Variants in LEO1 observed in about 807,000 individuals in gnomAD.
The protein encoded by LEO1 is RNA polymerase-associated protein LEO1.
Under a neutral mutation model 80.4 loss-of-function variants are expected in LEO1, and 34 were observed. The observed-to-expected ratio is 0.42, with a 90% CI of 0.32 to 0.56. The LOEUF (loss-of-function observed/expected upper bound fraction) is 0.56, where lower values mean the gene tolerates loss of function less well. LEO1 is among the 20% of genes least tolerant of loss of function. The pLI, the probability that LEO1 is intolerant of heterozygous loss-of-function variation, is 0.10. For missense variants in LEO1, 631 were observed against 814.2 expected, an observed-to-expected ratio of 0.77 and a Z score of 2.74; for synonymous variants, 262 against 274.9, an observed-to-expected ratio of 0.95 and a Z score of 0.46.
Position 51,966,478 on chromosome 15 carries a change from A to T in LEO1, c.85T>A (p.Ser29Thr). ...KDSDSGSDSD[S>T]DQENAASGSN... The stretch of plus-strand genomic sequence containing the variant: ...CCAGAGGCAGCATTCTCTTGATCAG[A>T]ATCTGAGTCAGATCCAGAATCAGAA... The change falls in exon 2 of 12, where the codon TCT becomes ACT. Residue 29 changes from serine (S) to threonine (T), a missense_variant. By Grantham distance (58) the Ser-to-Thr change is moderately conservative (BLOSUM62 1). Transcript: ENST00000299601. 1 of 1,607,086 alleles carries T rather than the reference A, an allele frequency of 6.2e-7. No homozygotes were observed.
chr15:51,950,302 C>T (rs748677476), intron 9 of LEO1, among the ~76,000 whole-genome samples: 1 of 152,188 alleles, frequency 6.6e-6, no homozygotes, highest in African/African-American at 2.4e-5. Flanking sequence ...AGAAGCAACC[C>T]GCCTGAGAAA....
chr15:51,969,735 G>A (rs186497717), intron 1 of LEO1, among the ~76,000 whole-genome samples: 14 of 151,442 alleles, frequency 9.2e-5, no homozygotes, highest in African/African-American at 2.4e-5. Flanking sequence ...ACAGCTACTC[G>A]GGAGGTTAAG....
intron 1 of LEO1, among the ~76,000 whole-genome samples, chr15:51,970,816 TG>T: frequency 6.6e-6 from 1 of 152,172 alleles, no homozygotes; most frequent in African/African-American, 2.4e-5. Context: ...AACTTGGTCT[TG>T]GGTTCTCACT....
At chr15:51,943,994 A>G (rs2056879228) in intron 11 of LEO1, among the ~76,000 whole-genome samples, 3 of 152,174 alleles carry the variant, frequency 2.0e-5, no homozygotes, top group African/African-American at 7.2e-5. Flanking sequence ...ACACCAACAT[A>G]CACCTAATGG....
rs114460041 is a variant in LEO1, at chr15:51,963,343, T to C, written c.815-850A>G. Among the ~76,000 whole-genome samples the C allele has an allele frequency of 2.9e-3, 444 of 152,200 alleles. 5 individuals carry two copies. Among genetic ancestry groups the C allele is most frequent in the African/African-American group, 0.01 (424 of 41,514 alleles). On this transcript the variant is annotated intron_variant, in intron 2 of 11. Coordinates refer to ENST00000299601, the MANE Select transcript of LEO1 (RefSeq NM_138792.4). ...AAATGAGAAAAGTAGCACTAAAACT[T>C]ATCAAATTTACATAAGACAAATTTC...
rs773920593 is a variant in LEO1, at chr15:51,971,767, C to T, written c.-22G>A. 8 of 1,613,866 alleles carry T rather than the reference C, an allele frequency of 5.0e-6. No individual in the cohort carries two copies. In the East Asian group the frequency reaches 1.8e-4, roughly 36 times the overall value. On this transcript the variant is annotated 5_prime_UTR_variant, in exon 1 of 12. Coordinates refer to ENST00000299601, the MANE Select transcript of LEO1 (RefSeq NM_138792.4). Reference sequence around the variant, plus strand: ...CCATTATCGCTCACGTCCGCTGCTGCCTCGGTTAGGGGCAGCTCCCGGCCT... The same window carrying T: ...CCATTATCGCTCACGTCCGCTGCTGTCTCGGTTAGGGGCAGCTCCCGGCCT...
At chr15:51,939,388 C>T (rs1301994688) in intron 11 of LEO1, among the ~76,000 whole-genome samples, 1 of 152,116 alleles carries the variant, frequency 6.6e-6, no homozygotes. Context: ...ACACTTGTTT[C>T]CTGCCTTATT....
chr15:51,965,987 C>A lies in LEO1; in HGVS notation c.576G>T (p.Glu192Asp), dbSNP rs889639628. The A allele has an allele frequency of 6.2e-7, 1 of 1,614,138 alleles. No homozygotes were observed. Among genetic ancestry groups the A allele is most frequent in the Non-Finnish European group, 8.5e-7 (1 of 1,180,022 alleles). The change falls in exon 2 of 12, where the codon GAG becomes GAT. Residue 192 changes from glutamate (E) to aspartate (D), a missense_variant. Physicochemically the swap from Glu to Asp is conservative, Grantham distance 45. Coordinates refer to ENST00000299601, the MANE Select transcript of LEO1 (RefSeq NM_138792.4). ...TCTCATCATCGGAAAGCTGAGGCCT[C>A]TCCTCATCATCTGTGTTCTGCATTT... ...DEKMQNTDDE[E>D]RPQLSDDERQ...
At chr15:51,969,158 C>T (rs934153444) in intron 1 of LEO1, among the ~76,000 whole-genome samples, 1 of 151,852 alleles carries the variant, frequency 6.6e-6, no homozygotes, top group Non-Finnish European at 1.5e-5. Context: ...AGGGTTTCAC[C>T]ATGTTGGCCA....
chr15:51,971,757 T>C lies in LEO1; in HGVS notation c.-12A>G. ...TCCATATCCGCCATTATCGCTCACG[T>C]CCGCTGCTGCCTCGGTTAGGGGCAG... is the stretch of plus-strand genomic sequence containing the variant. On this transcript the variant is annotated 5_prime_UTR_variant, in exon 1 of 12. Coordinates refer to ENST00000299601, the MANE Select transcript of LEO1 (RefSeq NM_138792.4). 2 of 1,614,102 alleles carry C rather than the reference T, an allele frequency of 1.2e-6. No individual in the cohort carries two copies. Among genetic ancestry groups the C allele is most frequent in the Non-Finnish European group, 8.5e-7 (1 of 1,179,958 alleles).
At chr15:51,940,490 G>C (rs1362022415) in intron 11 of LEO1, among the ~76,000 whole-genome samples, 1 of 151,706 alleles carries the variant, frequency 6.6e-6, no homozygotes, top group African/African-American at 2.4e-5. Flanking sequence ...AAACCCGGGA[G>C]ATGGAGGTTG....
At chr15:51,948,952 C>T (rs1030869533) in intron 10 of LEO1, among the ~76,000 whole-genome samples, 5 of 152,192 alleles carry the variant, frequency 3.3e-5, no homozygotes, top group African/African-American at 9.6e-5. Context: ...TTAGCAACTA[C>T]GTGCCTTTGG....
chr15:51,945,623 A>G (rs1375099357), intron 11 of LEO1, among the ~76,000 whole-genome samples: 2 of 152,162 alleles, frequency 1.3e-5, no homozygotes, highest in African/African-American at 2.4e-5. Flanking sequence ...ACTTTTCACC[A>G]TCTGTTATAC....
At chr15:51,971,389 G>A (rs1450537411) in intron 1 of LEO1, among the ~76,000 whole-genome samples, 1 of 152,216 alleles carries the variant, frequency 6.6e-6, no homozygotes, top group Non-Finnish European at 1.5e-5. Context: ...GGACTCCAAC[G>A]TTCCTACCCG....
At chr15:51,938,486 C>T (rs74330885) in intron 11 of LEO1, among the ~76,000 whole-genome samples, 4,702 of 152,338 alleles carry the variant, frequency 0.031, 114 homozygotes, top group Non-Finnish European at 0.05. Flanking sequence ...GGATTTGCCA[C>T]AGAAGGGGCG....
At chr15:51,940,473 A>G (rs1007183841) in intron 11 of LEO1, among the ~76,000 whole-genome samples, 8 of 151,308 alleles carry the variant, frequency 5.3e-5, no homozygotes, top group African/African-American at 1.7e-4. Flanking sequence ...AGGCAAGGGA[A>G]TTGCTTAAAC....
At chr15:51,947,266 C>T (rs16964639) in intron 11 of LEO1, 26 bp downstream of exon 11, 64,222 of 1,492,700 alleles carry the variant, frequency 0.043, 1,725 homozygotes, top group Non-Finnish European at 0.051. Context: ...GGATAAACCC[C>T]TAGAATTGAA....
chr15:51,957,495 C>T (rs2056998722), intron 6 of LEO1, among the ~76,000 whole-genome samples: 1 of 152,138 alleles, frequency 6.6e-6, no homozygotes, highest in Admixed American at 6.5e-5. Flanking sequence ...TATCTGTTGA[C>T]TGTGTGATCT....
chr15:51,945,262 C>CAAAAAATAAAAAAAAAAAAAA, intron 11 of LEO1, among the ~76,000 whole-genome samples: 1 of 80,394 alleles, frequency 1.2e-5, no homozygotes, highest in Non-Finnish European at 2.3e-5. Flanking sequence ...ACAAAAAATA[C>CAAAAAATAAAAAAAAAAAAAA]AAAAAAAAAA....
Sources: allele counts gnomAD v4.1 joint callset (sites outside exome capture counted in the v4.1 genomes callset), GRCh38; gene constraint gnomAD v4.1.1; transcripts MANE v1.5; gene names NCBI Gene and HGNC (gene_info 2026-07-23, HGNC 2026-07-21).